SPATA13: variants seen among roughly 807,000 people sequenced by gnomAD.
SPATA13 encodes the protein spermatogenesis-associated protein 13.
In SPATA13, 50 loss-of-function variants were observed where a neutral mutation model predicts 104.0. The observed-to-expected ratio is 0.48, with a 90% CI of 0.38 to 0.61. The LOEUF (loss-of-function observed/expected upper bound fraction) is 0.61, where lower values mean the gene tolerates loss of function less well. SPATA13 is among the 20% of genes least tolerant of loss of function. The pLI is 0.00. For synonymous variants in SPATA13, 606 were observed against 667.5 expected, an observed-to-expected ratio of 0.91 and a Z score of 1.42; for missense variants, 1,524 against 1,690.6, an observed-to-expected ratio of 0.90 and a Z score of 1.73.
chr13:24,108,545 T>A (rs1880528150), intron 3 of SPATA13, among the ~76,000 whole-genome samples: 2 of 152,214 alleles, frequency 1.3e-5, no homozygotes, highest in Admixed American at 1.3e-4. Flanking sequence ...GGAGGGCTTG[T>A]GCCAGGACAC....
chr13:24,240,059 T>C (rs1220592), intron 2 of SPATA13, among the ~76,000 whole-genome samples: 151,736 of 151,856 alleles, frequency 1, 75,809 homozygotes, highest in Non-Finnish European at 1. Flanking sequence ...AATCTCAGCA[T>C]TTTGGGAGTC....
rs771808195 is a variant in SPATA13, at chr13:24,224,344, A to G, written c.1415A>G (p.Gln472Arg). Reference protein sequence around the residue: ...TPLRPTTPKPQSPQSPQSPGA... With the variant: ...TPLRPTTPKPRSPQSPQSPGA... ...CTAAGGCCCACCACACCCAAGCCCC[A>G]GAGCCCTCAGAGCCCCCAGAGCCCC... The change falls in exon 2 of 13, where the codon CAG (glutamine) becomes CGG (arginine). Residue 472 changes from glutamine to arginine, a missense_variant. Around this residue, in one of 2 missense-constraint regions of SPATA13, gnomAD observed 1,089 missense variants for 1,135.9 expected, o/e 0.96. Transcript: ENST00000382108. The G allele has an allele frequency of 7.1e-6, 11 of 1,551,616 alleles. No individual in the cohort carries two copies. The South Asian group carries it at 1.2e-4, about 17-fold the overall frequency.
At chr13:24,212,247 C>T (rs7327883) in intron 1 of SPATA13, among the ~76,000 whole-genome samples, 34,258 of 150,132 alleles carry the variant, frequency 0.23, 4,311 homozygotes, top group South Asian at 0.29. Context: ...CACTCCAGCC[C>T]GCACCAGGCT....
intron 3 of SPATA13, chr13:24,033,958 A>C (rs1877581727): frequency 6.6e-6 from 1 of 152,228 alleles, no homozygotes; most frequent in Non-Finnish European, 1.5e-5. Flanking sequence ...GTAGCAAGTC[A>C]CTATTTATGG....
At chr13:24,301,246 T>A (rs1593520116) in intron 12 of SPATA13, among the ~76,000 whole-genome samples, 1 of 152,212 alleles carries the variant, frequency 6.6e-6, no homozygotes, top group African/African-American at 2.4e-5. Context: ...AATGTATCTC[T>A]TTTGGTATTT....
intron 3 of SPATA13, among the ~76,000 whole-genome samples, chr13:24,140,312 A>T (rs1881720738): frequency 6.6e-6 from 1 of 152,246 alleles, no homozygotes; most frequent in South Asian, 2.1e-4. Context: ...GCTCTGATGC[A>T]TGCTGAGATG....
At chr13:24,171,048 C>G (rs983713377) in intron 1 of SPATA13, among the ~76,000 whole-genome samples, 1 of 151,750 alleles carries the variant, frequency 6.6e-6, no homozygotes, top group African/African-American at 2.4e-5. Flanking sequence ...CTTTCTGAAT[C>G]CTGCAGTGAT....
At chr13:24,143,607 C>T (rs1329630264) in intron 3 of SPATA13, among the ~76,000 whole-genome samples, 3 of 152,072 alleles carry the variant, frequency 2.0e-5, no homozygotes, top group African/African-American at 7.2e-5. Flanking sequence ...CCAGGCTTTC[C>T]GACTCTGCTG....
At position 24,297,482 on chromosome 13, in the gene SPATA13, C is replaced by G. The variant is rs747762556; in HGVS notation, c.3330C>G (p.Ser1110=). ...TFFLFDHQLV[S]CKKDLLRRDM... ...TCCTGTTTGACCACCAGCTGGTGTCCTGCAAGAAGGACCTGCTGCGCAGGG... is the reference window on the plus strand; with the variant it reads ...TCCTGTTTGACCACCAGCTGGTGTCGTGCAAGAAGGACCTGCTGCGCAGGG... Residue 1110 remains serine (S), a synonymous_variant, in exon 11 of 13, where the codon TCC becomes TCG. Transcript: ENST00000382108. 11 of 1,614,076 alleles carry G rather than the reference C, an allele frequency of 6.8e-6. No homozygotes were observed. The Admixed American group carries it at 1.8e-4, about 27-fold the overall frequency.
intron 1 of SPATA13, among the ~76,000 whole-genome samples, chr13:24,185,944 AT>A (rs979786524): frequency 5.3e-5 from 8 of 152,096 alleles, no homozygotes; most frequent in African/African-American, 9.7e-5. Flanking sequence ...CTTGAATCTT[AT>A]GGCAATCTTA....
intron 1 of SPATA13, among the ~76,000 whole-genome samples, chr13:24,164,189 G>A (rs1307117212): frequency 6.6e-6 from 1 of 152,166 alleles, no homozygotes; most frequent in African/African-American, 2.4e-5. Flanking sequence ...TTGGTACAAA[G>A]TGCTTACCTG....
chr13:24,065,659 A>G (rs1593308554), intron 3 of SPATA13, among the ~76,000 whole-genome samples: 1 of 152,216 alleles, frequency 6.6e-6, no homozygotes, highest in East Asian at 1.9e-4. Context: ...TCAACAATTT[A>G]TTATTGATGA....
At chr13:24,233,177 C>T (rs998559062) in intron 2 of SPATA13, among the ~76,000 whole-genome samples, 2 of 151,992 alleles carry the variant, frequency 1.3e-5, no homozygotes, top group African/African-American at 4.8e-5. Context: ...TTTTTTCTGA[C>T]AAAAACATTA....
intron 3 of SPATA13, among the ~76,000 whole-genome samples, chr13:24,130,058 G>T (rs1047451435): frequency 6.6e-6 from 1 of 152,218 alleles, no homozygotes; most frequent in African/African-American, 2.4e-5. Flanking sequence ...TTTCCTTCAG[G>T]ATGTTTTCTT....
At chr13:24,122,138 C>T (rs1290207581) in intron 3 of SPATA13, 1 of 1,611,496 alleles carries the variant, frequency 6.2e-7, no homozygotes. Flanking sequence ...TTTGTATCCT[C>T]CATGCTTCTC....
intron 4 of SPATA13, among the ~76,000 whole-genome samples, chr13:24,275,587 C>G (rs969964726): frequency 4.6e-5 from 7 of 152,180 alleles, no homozygotes; most frequent in African/African-American, 7.2e-5. Context: ...GGTTTTAAAA[C>G]TGATTTCAAT....
intron 1 of SPATA13, among the ~76,000 whole-genome samples, chr13:24,209,255 A>G (rs1413193907): frequency 1.3e-5 from 2 of 152,326 alleles, no homozygotes; most frequent in Middle Eastern, 3.4e-3. Flanking sequence ...CCGTTTCTCT[A>G]TTAAACCTCA....
chr13:24,039,819 T>C (rs1313061155), intron 3 of SPATA13, among the ~76,000 whole-genome samples: 1 of 152,182 alleles, frequency 6.6e-6, no homozygotes, highest in African/African-American at 2.4e-5. Context: ...CTATCAATGC[T>C]GTCATAATGA....
intron 3 of SPATA13, among the ~76,000 whole-genome samples, chr13:24,058,966 TTTTG>T (rs541063272): frequency 0.054 from 8,122 of 150,734 alleles, 472 homozygotes; most frequent in Middle Eastern, 0.092. Context: ...GTGTATTGTT[TTTTG>T]TTTTGTTTTG....
Sources: gnomAD v4.1 joint callset for allele counts (sites outside exome capture counted in the v4.1 genomes callset) on GRCh38, gnomAD v4.1.1 for gene constraint, gnomAD v4.1.1 regional missense constraint, MANE v1.5 for transcripts, NCBI Gene and HGNC (gene_info 2026-07-23, HGNC 2026-07-21) for gene names.